MYH10: variants seen among roughly 807,000 people sequenced by gnomAD.
The protein encoded by MYH10 is myosin heavy chain 10.
Under a neutral mutation model 257.8 loss-of-function variants are expected in MYH10, and 55 were observed. That is an observed-to-expected ratio of 0.21 (90% CI 0.17 to 0.27). MYH10 has a LOEUF of 0.27. Among genes scored for constraint, MYH10 ranks in the 10% least tolerant of loss-of-function variants. The probability of loss-of-function intolerance (pLI) is 1.00; values close to 1 mark genes in which losing one functional copy is unlikely to be tolerated. For missense variants in MYH10, 1,631 were observed against 2,500.6 expected (o/e 0.65, Z 7.42); for synonymous variants, 854 against 921.7 (o/e 0.93, Z 1.33).
At chr17:8,607,981 T>C (rs1341072131) in intron 2 of MYH10, among the ~76,000 whole-genome samples, 3 of 152,078 alleles carry the variant, frequency 2.0e-5, no homozygotes, top group African/African-American at 7.2e-5. Flanking sequence ...TTAAAGACTA[T>C]GGGGTCAAAA....
intron 2 of MYH10, among the ~76,000 whole-genome samples, chr17:8,619,651 C>T (rs151281102): frequency 2.5e-4 from 38 of 152,168 alleles, no homozygotes; most frequent in Non-Finnish European, 4.9e-4. Flanking sequence ...AGGCAGGGCA[C>T]GGTGGCTCAT....
Position 8,569,253 on chromosome 17 carries a change from G to A in MYH10, c.756+467C>T, listed in dbSNP as rs933767769. ...AAAAAAAAATTAAAGAGAAGTCATA[G>A]TAGTGACAAATTATTCCAAAGTCCA... On this transcript the variant is annotated intron_variant, in intron 7 of 42. Coordinates refer to ENST00000360416, the MANE Select transcript of MYH10 (RefSeq NM_001256012.3). The surrounding 1 kb of genome is among the most constrained non-coding windows in gnomAD (Gnocchi z 4.1). Among the ~76,000 whole-genome samples, 4 of 151,594 alleles carry A rather than the reference G, an allele frequency of 2.6e-5. No homozygotes were observed. The highest frequency in any genetic ancestry group is 9.7e-5 in the African/African-American group (4 of 41,284).
chr17:8,624,057 A>C (rs2085578984), intron 1 of MYH10, among the ~76,000 whole-genome samples: 1 of 152,208 alleles, frequency 6.6e-6, no homozygotes, highest in Admixed American at 6.5e-5. Flanking sequence ...CCCAGAAGCA[A>C]ACATCATAGC....
At chr17:8,551,975 G>C in intron 9 of MYH10, 71 bp downstream of exon 9, 1 of 856,186 alleles carries the variant, frequency 1.2e-6, no homozygotes, top group Admixed American at 2.9e-5. Context: ...TCCCAAAATT[G>C]TTTTTTCTCA....
intron 17 of MYH10, among the ~76,000 whole-genome samples, chr17:8,522,862 C>G (rs1295194201): frequency 2.0e-5 from 3 of 152,096 alleles, no homozygotes; most frequent in Non-Finnish European, 4.4e-5. Context: ...TTTTCTTGAC[C>G]CTGGTACGTT....
rs868245055 is a variant in MYH10 at position 8,529,267 on chromosome 17, T to C, written c.1957+1356A>G. On this transcript the variant is annotated intron_variant, in intron 17 of 42. Transcript: ENST00000360416. Reference sequence around the variant, plus strand: ...CTCTCTCTCAGCGACTTAGTGATGTTTTGCCTCCTCTGTGCCAGGTGCTGC... The same window carrying C: ...CTCTCTCTCAGCGACTTAGTGATGTCTTGCCTCCTCTGTGCCAGGTGCTGC... Among the ~76,000 whole-genome samples, 24 of 152,146 alleles carry C rather than the reference T, an allele frequency of 1.6e-4. No homozygotes were observed. In the South Asian group the frequency reaches 2.3e-3, roughly 14 times the overall value.
At chr17:8,546,719 T>C in intron 11 of MYH10, 57 bp from the exon 12 acceptor site, 2 of 1,266,698 alleles carry the variant, frequency 1.6e-6, no homozygotes, top group Non-Finnish European at 2.3e-6. Context: ...CTACTCACAA[T>C]ATATTCAATA....
At position 8,490,911 on chromosome 17, in the gene MYH10, C is replaced by G. The variant is rs931492495; in HGVS notation, c.4672-359G>C. Reference sequence around the variant, plus strand: ...CTCCTTGCCTGCTGTCTGTGAGGAACAAGTACAACAGTACATCTCTTCTTG... The same window carrying G: ...CTCCTTGCCTGCTGTCTGTGAGGAAGAAGTACAACAGTACATCTCTTCTTG... On this transcript the variant is annotated intron_variant, in intron 34 of 42. Coordinates refer to ENST00000360416, the MANE Select transcript of MYH10 (RefSeq NM_001256012.3). The surrounding 1 kb of genome is among the most constrained non-coding windows in gnomAD (Gnocchi z 4.1). 3.9e-5 allele frequency among the ~76,000 whole-genome samples: 6 copies of G among 152,322 alleles called. No homozygotes were observed. The highest frequency in any genetic ancestry group is 8.8e-5 in the Non-Finnish European group (6 of 68,026).
At chr17:8,502,299 A>G (rs550792495) in intron 28 of MYH10, among the ~76,000 whole-genome samples, 1 of 152,194 alleles carries the variant, frequency 6.6e-6, no homozygotes, top group East Asian at 1.9e-4. Flanking sequence ...GCCCAGCCAG[A>G]AGGAATCACT....
intron 4 of MYH10, among the ~76,000 whole-genome samples, chr17:8,577,757 C>A (rs1477527771): frequency 6.6e-6 from 1 of 152,150 alleles, no homozygotes; most frequent in East Asian, 1.9e-4. Context: ...GTCTCGAACT[C>A]CTGGCCTCAA....
intron 21 of MYH10, among the ~76,000 whole-genome samples, chr17:8,517,026 A>C (rs1028815244): frequency 2.2e-4 from 33 of 152,152 alleles, no homozygotes; most frequent in Non-Finnish European, 3.1e-4. Flanking sequence ...CTGTAGTCCC[A>C]GCTACTCGGG....
chr17:8,585,551 A>T (rs958449847), intron 4 of MYH10, among the ~76,000 whole-genome samples: 5 of 151,962 alleles, frequency 3.3e-5, no homozygotes, highest in Non-Finnish European at 7.4e-5. Flanking sequence ...ATTTTCCTAA[A>T]TCTAAGATAC....
rs763624642 is a variant in MYH10, at chr17:8,552,077, C to A, written c.888G>T (p.Gln296His). Residue 296 changes from glutamine to histidine, a missense_variant, in exon 9 of 43, where the codon CAG becomes CAT. Physicochemically the swap from Gln to His is conservative, Grantham distance 24. This residue lies in a region of MYH10 where 360 missense variants were observed against 581.9 expected (regional missense o/e 0.62). Transcript: ENST00000360416. The surrounding 1 kb of genome is among the most constrained non-coding windows in gnomAD (Gnocchi z 4.8). ...GGTGTTCTCCTGCTCCAGATAACAA[C>A]TGGTAAAAGATATGAAAAGTACGTT... ...KDERTFHIFY[Q>H]LLSGAGEHLK... 7 of 1,558,238 alleles carry A rather than the reference C, an allele frequency of 4.5e-6. No homozygotes were observed. The highest frequency in any genetic ancestry group is 1.7e-5 in the Admixed American group (1 of 57,678).
Position 8,490,196 on chromosome 17 carries a change from A to G in MYH10, c.4884+144T>C, listed in dbSNP as rs368365846. The G allele has an allele frequency of 3.0e-5, 21 of 689,214 alleles. No individual in the cohort carries two copies. In the East Asian group the frequency reaches 4.6e-4, roughly 15 times the overall value. The allele number at this position is 689,214 out of a possible 1,614,324, so 42.7% of individuals were successfully genotyped here. On this transcript the variant is annotated intron_variant, in intron 35 of 42. Transcript: ENST00000360416. The surrounding 1 kb of genome is among the most constrained non-coding windows in gnomAD (Gnocchi z 4.1). Reference sequence around the variant, plus strand: ...TAAAATTTAAATAATAAAATTCTCAAATGACCAAATAAATTCATTTTACTC... The same window carrying G: ...TAAAATTTAAATAATAAAATTCTCAGATGACCAAATAAATTCATTTTACTC...
intron 2 of MYH10, among the ~76,000 whole-genome samples, chr17:8,614,388 G>A (rs1041403720): frequency 6.8e-5 from 9 of 132,668 alleles, no homozygotes; most frequent in Middle Eastern, 5.8e-3. Flanking sequence ...GTGCAATCTC[G>A]GCTCACTGCA....
intron 39 of MYH10, 28 bp downstream of exon 39, chr17:8,480,374 C>T: frequency 6.2e-7 from 1 of 1,613,206 alleles, no homozygotes; most frequent in Non-Finnish European, 8.5e-7. Flanking sequence ...ACAGCCCTCC[C>T]TGGGTGACGG....
chr17:8,581,164 G>C (rs1010387410), intron 4 of MYH10, among the ~76,000 whole-genome samples: 25 of 152,104 alleles, frequency 1.6e-4, no homozygotes, highest in Non-Finnish European at 4.4e-5. Flanking sequence ...GCAGGAAGGG[G>C]AGGGGTGCCA....
At chr17:8,573,208 C>T (rs982423066) in intron 6 of MYH10, among the ~76,000 whole-genome samples, 2 of 152,104 alleles carry the variant, frequency 1.3e-5, no homozygotes, top group Admixed American at 1.3e-4. Flanking sequence ...AGCATGAGTT[C>T]GAAATGGTTA....
chr17:8,601,686 AT>A (rs1346488571), intron 3 of MYH10, among the ~76,000 whole-genome samples: 1 of 152,038 alleles, frequency 6.6e-6, no homozygotes, highest in Non-Finnish European at 1.5e-5. Flanking sequence ...TGAATGTATG[AT>A]TTTTTGCAGT....
Sources: allele counts gnomAD v4.1 joint callset (sites outside exome capture counted in the v4.1 genomes callset), GRCh38; gene constraint gnomAD v4.1.1; regional missense constraint gnomAD v4.1.1; non-coding constraint Gnocchi (gnomAD v3.1); transcripts MANE v1.5; gene names NCBI Gene and HGNC (gene_info 2026-07-23, HGNC 2026-07-21).